The following PTPRD variants were observed in gnomAD, a reference collection of about 807,000 sequenced individuals.
The protein encoded by PTPRD is receptor-type tyrosine-protein phosphatase delta.
Under a neutral mutation model 214.5 loss-of-function variants are expected in PTPRD, and 34 were observed. The ratio of observed to expected loss-of-function variants is 0.16; its 90% CI spans 0.12 to 0.21. The LOEUF (loss-of-function observed/expected upper bound fraction) is 0.21. PTPRD is among the 10% of genes least tolerant of loss of function. The probability of loss-of-function intolerance (pLI) is 1.00; values close to 1 mark genes in which losing one functional copy is unlikely to be tolerated. For synonymous variants in PTPRD, 1,128 were observed against 845.7 expected (o/e 1.33, Z -5.79); for missense variants, 2,545 against 2,398.7 (o/e 1.06, Z -1.27).
chr9:9,035,200 G>C (rs759753827), intron 10 of PTPRD, among the ~76,000 whole-genome samples: 2 of 152,104 alleles, frequency 1.3e-5, no homozygotes, highest in Non-Finnish European at 2.9e-5. Flanking sequence ...TCTTTGCCTA[G>C]TGTAAGGATG....
intron 11 of PTPRD, among the ~76,000 whole-genome samples, chr9:8,983,769 C>T (rs1018895275): frequency 2.0e-5 from 3 of 152,026 alleles, no homozygotes; most frequent in East Asian, 1.9e-4. Context: ...CTCCCACCTC[C>T]ACCTCCCAAA....
intron 2 of PTPRD, among the ~76,000 whole-genome samples, chr9:10,353,435 T>C (rs1294049429): frequency 6.6e-6 from 1 of 152,014 alleles, no homozygotes; most frequent in Non-Finnish European, 1.5e-5. Flanking sequence ...ATTGAATACT[T>C]TGTTCACATC....
chr9:10,431,442 A>G (rs1038505002), intron 2 of PTPRD, among the ~76,000 whole-genome samples: 9 of 152,130 alleles, frequency 5.9e-5, no homozygotes, highest in Admixed American at 3.9e-4. Context: ...AGTGGGATCT[A>G]ATGAAACTAA....
At chr9:8,794,988 GTTGT>G (rs78084095) in intron 11 of PTPRD, among the ~76,000 whole-genome samples, 14,038 of 151,936 alleles carry the variant, frequency 0.092, 676 homozygotes, top group East Asian at 0.19. Context: ...TTAAAACAAA[GTTGT>G]TTATCTTCTT....
At chr9:9,954,244 G>C (rs534054513) in intron 4 of PTPRD, among the ~76,000 whole-genome samples, 53 of 126,176 alleles carry the variant, frequency 4.2e-4, no homozygotes, top group Admixed American at 1.0e-3. Context: ...AGTGAGCCAA[G>C]ACTGTGCCAC....
intron 4 of PTPRD, among the ~76,000 whole-genome samples, chr9:10,024,980 A>G (rs1398917334): frequency 6.6e-6 from 1 of 151,790 alleles, no homozygotes; most frequent in African/African-American, 2.4e-5. Context: ...TTATGGATGC[A>G]TAGTATTCCA....
intron 8 of PTPRD, among the ~76,000 whole-genome samples, chr9:9,516,319 T>G (rs973487076): frequency 6.6e-6 from 1 of 152,010 alleles, no homozygotes; most frequent in Non-Finnish European, 1.5e-5. Context: ...CAGCTTTTGT[T>G]GTCTTGTGAG....
intron 11 of PTPRD, among the ~76,000 whole-genome samples, chr9:8,934,480 T>TATATAA: frequency 1.2e-4 from 1 of 8,088 alleles, no homozygotes; most frequent in South Asian, 6.3e-3. Flanking sequence ...TATATATAAA[T>TATATAA]ATATATATAT....
rs4477091 is a variant in PTPRD, at chr9:9,933,670, C to G, written c.-368+4837G>C. Among the ~76,000 whole-genome samples, 1,005 of 136,216 alleles carry G rather than the reference C, an allele frequency of 7.4e-3. 11 individuals carry two copies. The highest frequency in any genetic ancestry group is 0.027 in the African/African-American group (938 of 35,354). The allele number at this position is 136,216 out of a possible 152,430, so 89.4% of individuals were successfully genotyped here. ...CACTGTCAACATTAGACAGATCAAC[C>G]AGACAGAAAGTCAACAAGGATACCC... On this transcript the variant is annotated intron_variant, in intron 5 of 45. Transcript: ENST00000381196.
At chr9:9,781,242 G>T (rs942820163) in intron 5 of PTPRD, among the ~76,000 whole-genome samples, 1 of 152,166 alleles carries the variant, frequency 6.6e-6, no homozygotes, top group South Asian at 2.1e-4. Context: ...TCAAAGTAAA[G>T]ATGTCAATAA....
rs61509653 is a variant in PTPRD, at chr9:8,675,538, C to CA, written c.65-38695dup. The stretch of plus-strand genomic sequence containing the variant: ...GCACACATACACACACACACACACA[C>CA]AAAAAAAAAAAAAAAAAAAAAAAAA... On this transcript the variant is annotated intron_variant, in intron 12 of 45. Transcript: ENST00000381196. Among the ~76,000 whole-genome samples the CA allele has an allele frequency of 6.0e-3, 295 of 49,108 alleles. 12 individuals are homozygous for CA. The highest frequency in any genetic ancestry group is 0.022 in the African/African-American group (251 of 11,662). The allele number at this position is 49,108 out of a possible 152,430, so 32.2% of individuals were successfully genotyped here.
intron 2 of PTPRD, among the ~76,000 whole-genome samples, chr9:10,548,621 T>C (rs560420220): frequency 6.6e-6 from 1 of 151,904 alleles, no homozygotes; most frequent in African/African-American, 2.4e-5. Flanking sequence ...ACACAGAGGA[T>C]TTGAATAACT....
In PTPRD at chr9:8,762,898, T is replaced by C. The variant is rs1212648318; in HGVS notation, c.-103-28952A>G. On this transcript the variant is annotated intron_variant, in intron 11 of 45. Coordinates refer to ENST00000381196, the MANE Select transcript of PTPRD (RefSeq NM_002839.4). ...AGAATGCCTTGGGAAAGAGGGTAAC[T>C]GGAACATGCATCGCCTACTCATCTC... is the stretch of plus-strand genomic sequence containing the variant. 6.4e-4 allele frequency among the ~76,000 whole-genome samples: 97 copies of C among 152,244 alleles called. 2 individuals are homozygous for C. The highest frequency in any genetic ancestry group is 1.5e-5 in the Non-Finnish European group (1 of 68,024).
chr9:8,983,955 A>G lies in PTPRD; in HGVS notation c.-104+34742T>C, dbSNP rs577783693. Among the ~76,000 whole-genome samples, 153 of 152,260 alleles carry G rather than the reference A, an allele frequency of 1.0e-3. 1 individual carries two copies. Among genetic ancestry groups the G allele is most frequent in the African/African-American group, 3.4e-3 (143 of 41,564 alleles). ...TATATCTGAGTCATACACTCAGATC[A>G]AAAGACCAATATTTTAAAATTCCAA... On this transcript the variant is annotated intron_variant, in intron 11 of 45. Coordinates refer to ENST00000381196, the MANE Select transcript of PTPRD (RefSeq NM_002839.4).
chr9:9,958,028 G>T (rs898228462), intron 4 of PTPRD, among the ~76,000 whole-genome samples: 3 of 139,786 alleles, frequency 2.1e-5, no homozygotes, highest in African/African-American at 7.4e-5. Flanking sequence ...TTGTGTATGT[G>T]TAAGAGAGAG....
At chr9:10,421,378 T>C (rs1178983449) in intron 2 of PTPRD, among the ~76,000 whole-genome samples, 1 of 151,976 alleles carries the variant, frequency 6.6e-6, no homozygotes, top group Admixed American at 6.6e-5. Flanking sequence ...CAACATTAGA[T>C]TAAATGGAGC....
chr9:8,454,564 G>C (rs2096103785), intron 33 of PTPRD: 8 of 1,612,874 alleles, frequency 5.0e-6, no homozygotes, highest in South Asian at 1.1e-5. Context: ...AAAGGGGTTT[G>C]TTCTCTATTC....
At chr9:8,562,804 T>C (rs907818784) in intron 14 of PTPRD, among the ~76,000 whole-genome samples, 2 of 152,142 alleles carry the variant, frequency 1.3e-5, no homozygotes, top group Non-Finnish European at 2.9e-5. Context: ...GTTTTTGGTG[T>C]TGTAGCTGAA....
intron 2 of PTPRD, among the ~76,000 whole-genome samples, chr9:10,531,217 T>A (rs1379959047): frequency 6.6e-6 from 1 of 152,134 alleles, no homozygotes; most frequent in African/African-American, 2.4e-5. Flanking sequence ...CCCAAATGGC[T>A]GGGATTGCAG....
Sources: allele counts gnomAD v4.1 joint callset (sites outside exome capture counted in the v4.1 genomes callset), GRCh38; gene constraint gnomAD v4.1.1; transcripts MANE v1.5; gene names NCBI Gene and HGNC (gene_info 2026-07-23, HGNC 2026-07-21).